Variants in LARP1 observed in about 807,000 individuals in gnomAD.
LARP1 encodes la-related protein 1.
LARP1 carries 36 observed loss-of-function variants against 122.7 expected under a neutral mutation model. The observed-to-expected ratio is 0.29, with a 90% confidence interval of 0.22 to 0.39. The LOEUF is 0.39. Among genes scored for constraint, LARP1 ranks in the 10% least tolerant of loss-of-function variants. LARP1 has a pLI of 1.00. For missense variants in LARP1, 1,040 were observed against 1,403.6 expected, an observed-to-expected ratio of 0.74 and a Z score of 4.14; for synonymous variants, 539 against 528.7, an observed-to-expected ratio of 1.02 and a Z score of -0.27.
At chr5:154,772,226 T>C (rs1755496971) in intron 1 of LARP1, among the ~76,000 whole-genome samples, 1 of 152,212 alleles carries the variant, frequency 6.6e-6, no homozygotes, top group Non-Finnish European at 1.5e-5. Context: ...ATATTCAAAA[T>C]GCTGTTTTAA....
Position 154,802,251 on chromosome 5 carries a change from G to A in LARP1, c.1961G>A (p.Arg654His), listed in dbSNP as rs749527076. The A allele has an allele frequency of 2.5e-6, 4 of 1,614,184 alleles. No homozygotes were observed. The highest frequency in any genetic ancestry group is 1.3e-5 in the African/African-American group (1 of 75,034). Residue 654 changes from arginine to histidine, a missense_variant, in exon 11 of 19, where the codon CGC becomes CAC. By Grantham distance (29) the Arg-to-His change is conservative. This residue lies in a region of LARP1 where 362 missense variants were observed against 533.1 expected (regional missense o/e 0.68). Coordinates refer to ENST00000518297, the MANE Select transcript of LARP1 (RefSeq NM_033551.3). The surrounding 1 kb of genome is among the most constrained non-coding windows in gnomAD (Gnocchi z 5.1). ...GTCACCCAGACACCACATTACATGC[G>A]CCGGCACCCAGGGGGGGACCGCACA... ...LIVTQTPHYM[R>H]RHPGGDRTGN...
Position 154,755,849 on chromosome 5 carries a change from C to G in LARP1, c.92C>G (p.Pro31Arg), listed in dbSNP as rs1339114670. The change falls in exon 1 of 19, where the codon CCG becomes CGG. Residue 31 changes from proline to arginine, a missense_variant. Around this residue, in one of 8 missense-constraint regions of LARP1, gnomAD observed 257 missense variants for 273.3 expected, o/e 0.94. Transcript: ENST00000518297. ...GGGCTGGTGAGGAAGAAGCCGCCGC[C>G]GGCGCCCGAGGGCAAGGGCGAGCCC... ...HGGLVRKKPP[P>R]APEGKGEPGP... The G allele has an allele frequency of 2.5e-5, 25 of 1,004,744 alleles. No homozygotes were observed. Among genetic ancestry groups the G allele is most frequent in the Non-Finnish European group, 2.7e-5 (23 of 841,360 alleles). 62.2% of individuals were successfully genotyped at this position (1,004,744 alleles called of 1,614,324 possible). A position where few individuals can be genotyped will look rare whatever the true frequency, so the allele number is the denominator to read the frequency against.
At chr5:154,707,898 T>C (rs930547254), upstream of LARP1, among the ~76,000 whole-genome samples, 1 of 152,178 alleles carries the variant, frequency 6.6e-6, no homozygotes, top group Non-Finnish European at 1.5e-5. Context: ...TCAGTGCTTT[T>C]GTGGCAGTCT....
intron 14 of LARP1, chr5:154,804,703 A>G (rs1758617509): frequency 2.3e-6 from 1 of 433,588 alleles, no homozygotes; most frequent in African/African-American, 2.1e-5. Flanking sequence ...ATACATATTT[A>G]TTGGCCCCAA....
At chr5:154,732,576 A>G (rs1443516621) in intron 1 of LARP1, among the ~76,000 whole-genome samples, 1 of 152,184 alleles carries the variant, frequency 6.6e-6, no homozygotes, top group East Asian at 1.9e-4. Flanking sequence ...TATTTGTTAG[A>G]TATTGGTCTT....
intron 1 of LARP1, among the ~76,000 whole-genome samples, chr5:154,789,476 C>T (rs1397219071): frequency 6.6e-6 from 1 of 151,976 alleles, no homozygotes; most frequent in Non-Finnish European, 1.5e-5. Flanking sequence ...CTGCCTTGGC[C>T]CCCCAAAGTG....
intron 1 of LARP1, among the ~76,000 whole-genome samples, chr5:154,739,104 C>T (rs1757076530): frequency 6.6e-6 from 1 of 152,144 alleles, no homozygotes; most frequent in Non-Finnish European, 1.5e-5. Context: ...CAACCTCTGC[C>T]TCCCGGGTTC....
intron 1 of LARP1, among the ~76,000 whole-genome samples, chr5:154,763,843 C>CAA (rs57607523): frequency 4.1e-4 from 58 of 140,812 alleles, no homozygotes; most frequent in African/African-American, 1.3e-3. Context: ...CCATCTCTTA[C>CAA]AAAAAAAAAA....
chr5:154,697,252 T>C (rs1220988434), intron 1 of LARP1, among the ~76,000 whole-genome samples: 1 of 149,128 alleles, frequency 6.7e-6, no homozygotes, highest in Admixed American at 6.8e-5. Context: ...ATGAACCAAA[T>C]GGGGAGGCAG....
At chr5:154,735,982 C>T (rs1756872445) in intron 1 of LARP1, among the ~76,000 whole-genome samples, 1 of 151,868 alleles carries the variant, frequency 6.6e-6, no homozygotes, top group South Asian at 2.1e-4. Flanking sequence ...TGCAGTGGCA[C>T]CATCTTAGCT....
At position 154,755,745 on chromosome 5, in the gene LARP1, G is replaced by C. The variant is rs892198995; in HGVS notation, c.-13G>C. On this transcript the variant is annotated 5_prime_UTR_variant, in exon 1 of 19. Coordinates refer to ENST00000518297, the MANE Select transcript of LARP1 (RefSeq NM_033551.3). ...CGGGCGCGCCCGGCTTCTCCGGGGG[G>C]GCGGGCGCGCAGATGGCCACTCAGG... The C allele has an allele frequency of 6.1e-6, 6 of 987,398 alleles. No homozygotes were observed. The highest frequency in any genetic ancestry group is 7.2e-6 in the Non-Finnish European group (6 of 830,458). The allele number at this position is 987,398 out of a possible 1,614,324, so 61.2% of individuals were successfully genotyped here.
intron 1 of LARP1, among the ~76,000 whole-genome samples, chr5:154,730,471 A>G (rs1055318476): frequency 1.4e-5 from 2 of 141,822 alleles, no homozygotes; most frequent in African/African-American, 5.3e-5. Flanking sequence ...CCAAGTGCTT[A>G]TATTCTTTTT....
intron 1 of LARP1, among the ~76,000 whole-genome samples, chr5:154,777,216 G>A (rs978916991): frequency 2.0e-5 from 3 of 152,110 alleles, no homozygotes; most frequent in African/African-American, 4.8e-5. Context: ...AAAAAGTATT[G>A]TAGGTCGGCC....
intron 1 of LARP1, among the ~76,000 whole-genome samples, chr5:154,721,676 G>C (rs1295070249): frequency 2.0e-5 from 3 of 152,164 alleles, no homozygotes; most frequent in South Asian, 4.1e-4. Flanking sequence ...TGCTGCTAAG[G>C]TTTCTCATTT....
At position 154,798,462 on chromosome 5, in the gene LARP1, C is replaced by T. The variant is rs538955744; in HGVS notation, c.1378-1129C>T. Among the ~76,000 whole-genome samples the T allele has an allele frequency of 2.0e-5, 3 of 152,290 alleles. No individual in the cohort carries two copies. In the South Asian group the frequency reaches 6.2e-4, roughly 32 times the overall value. Reference sequence around the variant, plus strand: ...TATTCCTCATTCCTGTGTACAGTTGCATAGTTCACCATTGTGTGGAATGCT... The same window carrying T: ...TATTCCTCATTCCTGTGTACAGTTGTATAGTTCACCATTGTGTGGAATGCT... On this transcript the variant is annotated intron_variant, in intron 8 of 18. Coordinates refer to ENST00000518297, the MANE Select transcript of LARP1 (RefSeq NM_033551.3).
rs1276518129 is a variant in LARP1, at chr5:154,802,769, G to A, written c.2109+370G>A. On this transcript the variant is annotated intron_variant, in intron 11 of 18. Coordinates refer to ENST00000518297, the MANE Select transcript of LARP1 (RefSeq NM_033551.3). The surrounding 1 kb of genome is among the most constrained non-coding windows in gnomAD (Gnocchi z 5.1). ...AAGCCTTTTAAGAAGCTTGTGTTGAGTATGGAAAATGGAGAAAAGATAAGT... is the reference window on the plus strand; with the variant it reads ...AAGCCTTTTAAGAAGCTTGTGTTGAATATGGAAAATGGAGAAAAGATAAGT... 1.3e-5 allele frequency among the ~76,000 whole-genome samples: 2 copies of A among 152,226 alleles called. No homozygotes were observed. Among genetic ancestry groups the A allele is most frequent in the African/African-American group, 4.8e-5 (2 of 41,462 alleles).
chr5:154,763,025 T>C lies in LARP1; in HGVS notation c.436+6832T>C, dbSNP rs79199439. ...TGCATTTACTGAGTGTCTCACCTGT[T>C]CTAGCCCAAGTGATCTGCTGAGCAG... On this transcript the variant is annotated intron_variant, in intron 1 of 18. Transcript: ENST00000518297. Among the ~76,000 whole-genome samples the C allele has an allele frequency of 3.6e-4, 55 of 152,144 alleles. No homozygotes were observed. The East Asian group carries it at 0.01, about 28-fold the overall frequency.
intron 16 of LARP1, among the ~76,000 whole-genome samples, chr5:154,809,872 A>G: frequency 6.6e-6 from 1 of 150,710 alleles, no homozygotes; most frequent in Non-Finnish European, 1.5e-5. Flanking sequence ...CGCCTGGCTA[A>G]TTTTTTTTGT....
chr5:154,779,465 G>A (rs1444133240), intron 1 of LARP1, among the ~76,000 whole-genome samples: 1 of 151,314 alleles, frequency 6.6e-6, no homozygotes, highest in African/African-American at 2.4e-5. Context: ...TGTTGGTAGG[G>A]TGGCTTTGGG....
Sources: allele counts gnomAD v4.1 joint callset (sites outside exome capture counted in the v4.1 genomes callset), GRCh38; gene constraint gnomAD v4.1.1; regional missense constraint gnomAD v4.1.1; non-coding constraint Gnocchi (gnomAD v3.1); transcripts MANE v1.5; gene names NCBI Gene and HGNC (gene_info 2026-07-23, HGNC 2026-07-21).